Variants in TUSC3 observed in about 807,000 individuals in gnomAD.
TUSC3 encodes tumor suppressor candidate 3, also known as dolichyl-diphosphooligosaccharide--protein glycosyltransferase subunit TUSC3.
In TUSC3, 45 loss-of-function variants were observed where a neutral mutation model predicts 44.8. The ratio of observed to expected loss-of-function variants is 1.00; its 90% CI spans 0.79 to 1.29. The LOEUF (loss-of-function observed/expected upper bound fraction) is 1.29. Among genes scored for constraint, TUSC3 ranks in the 50% most tolerant of loss-of-function variants. The pLI is 0.00. For synonymous variants in TUSC3, 212 were observed against 152.9 expected, an observed-to-expected ratio of 1.39 and a Z score of -2.85; for missense variants, 519 against 437.9, an observed-to-expected ratio of 1.19 and a Z score of -1.65.
chr8:15,570,981 G>A (rs142654964), intron 1 of TUSC3, among the ~76,000 whole-genome samples: 2,489 of 15,944 alleles, frequency 0.16, 117 homozygotes, highest in African/African-American at 0.2. Flanking sequence ...TTTTGAGATT[G>A]AGTCTTGCTG....
chr8:15,491,617 T>G (rs1174259971), intron 2 of TUSC3, among the ~76,000 whole-genome samples: 2 of 152,164 alleles, frequency 1.3e-5, no homozygotes, highest in African/African-American at 4.8e-5. Flanking sequence ...GCTAATTGTT[T>G]TGGGAAGTGA....
At chr8:15,532,272 C>T (rs1054357935) in intron 2 of TUSC3, among the ~76,000 whole-genome samples, 2 of 152,004 alleles carry the variant, frequency 1.3e-5, no homozygotes, top group Non-Finnish European at 2.9e-5. Flanking sequence ...TCTTGATATA[C>T]ATGAACACTG....
At chr8:15,761,273 G>A (rs1361561690) in intron 10 of TUSC3, among the ~76,000 whole-genome samples, 1 of 152,168 alleles carries the variant, frequency 6.6e-6, no homozygotes, top group Non-Finnish European at 1.5e-5. Flanking sequence ...ATGAGGGAGT[G>A]CTGAGGAGAG....
chr8:15,573,168 T>TTTCTCTC (rs1802945786), intron 1 of TUSC3, among the ~76,000 whole-genome samples: 11 of 85,544 alleles, frequency 1.3e-4, no homozygotes, highest in African/African-American at 5.0e-4. Context: ...TTCTCTCTCT[T>TTTCTCTC]TCTCTCTCTC....
chr8:15,445,060 A>G (rs1414296533), intron 1 of TUSC3, among the ~76,000 whole-genome samples: 2 of 152,194 alleles, frequency 1.3e-5, no homozygotes, highest in Non-Finnish European at 2.9e-5. Context: ...TAATGGAGAA[A>G]ATTCTTATTA....
chr8:15,805,305 A>G, the TUSC3 span, among the ~76,000 whole-genome samples: 1 of 152,034 alleles, frequency 6.6e-6, no homozygotes, highest in African/African-American at 2.4e-5. Context: ...CTCCTTTCCT[A>G]TTTGGGTGCC....
chr8:15,477,531 G>T (rs1800595291), intron 1 of TUSC3, among the ~76,000 whole-genome samples: 1 of 151,970 alleles, frequency 6.6e-6, no homozygotes, highest in African/African-American at 2.4e-5. Context: ...GACCATCCTG[G>T]CTAACATGGT....
At chr8:15,443,152 C>A (rs562427761) in intron 1 of TUSC3, among the ~76,000 whole-genome samples, 1 of 146,432 alleles carries the variant, frequency 6.8e-6, no homozygotes, top group East Asian at 2.0e-4. Context: ...TTTCTTTTTT[C>A]TTCCTTCCTT....
chr8:15,821,289 C>G, the TUSC3 span, among the ~76,000 whole-genome samples: 1 of 148,304 alleles, frequency 6.7e-6, no homozygotes, highest in African/African-American at 2.5e-5. Flanking sequence ...TAATATGTCT[C>G]TTTTTGCTAG....
intron 1 of TUSC3, among the ~76,000 whole-genome samples, chr8:15,562,308 G>T (rs1358464363): frequency 6.6e-6 from 1 of 152,068 alleles, no homozygotes; most frequent in Non-Finnish European, 1.5e-5. Context: ...TTATTTCTTA[G>T]TGTGGCATAG....
chr8:15,676,658 C>T (rs1335938821), intron 6 of TUSC3, among the ~76,000 whole-genome samples: 3 of 152,082 alleles, frequency 2.0e-5, no homozygotes, highest in Non-Finnish European at 4.4e-5. Flanking sequence ...GGGCAACTAC[C>T]GACTACTGGC....
chr8:15,734,247 G>A (rs1439479807), intron 7 of TUSC3, among the ~76,000 whole-genome samples: 3 of 152,098 alleles, frequency 2.0e-5, no homozygotes, highest in African/African-American at 7.2e-5. Flanking sequence ...AATTTAGTAA[G>A]TCAGATTATC....
At chr8:15,818,859 G>C in the TUSC3 span, among the ~76,000 whole-genome samples, 4 of 152,108 alleles carry the variant, frequency 2.6e-5, no homozygotes, top group Admixed American at 2.6e-4. Context: ...TAATTTAATG[G>C]TGAAGGCTGT....
the TUSC3 span, among the ~76,000 whole-genome samples, chr8:15,820,331 G>C: frequency 2.1e-5 from 1 of 47,010 alleles, no homozygotes; most frequent in African/African-American, 7.8e-5. Flanking sequence ...TTTTTTTTTT[G>C]AGACAGATTC....
At chr8:15,444,052 G>A (rs1440375074) in intron 1 of TUSC3, among the ~76,000 whole-genome samples, 1 of 152,166 alleles carries the variant, frequency 6.6e-6, no homozygotes, top group Non-Finnish European at 1.5e-5. Context: ...GTCTCCCACA[G>A]AACCAGTTCT....
At chr8:15,562,031 C>G (rs1014907421) in intron 1 of TUSC3, among the ~76,000 whole-genome samples, 1 of 152,060 alleles carries the variant, frequency 6.6e-6, no homozygotes, top group Admixed American at 6.6e-5. Flanking sequence ...CTCCTCTCTT[C>G]AAAAATCAAT....
At chr8:15,495,837 T>C (rs897388492) in intron 2 of TUSC3, among the ~76,000 whole-genome samples, 3 of 152,190 alleles carry the variant, frequency 2.0e-5, no homozygotes, top group African/African-American at 4.8e-5. Context: ...CATCCACTTT[T>C]AGTTTCTTTT....
the TUSC3 span, among the ~76,000 whole-genome samples, chr8:15,781,681 A>G: frequency 6.6e-6 from 1 of 152,216 alleles, no homozygotes; most frequent in Non-Finnish European, 1.5e-5. Flanking sequence ...AGAAAAGCCC[A>G]ACACAAGATA....
chr8:15,825,920 A>G, the TUSC3 span, among the ~76,000 whole-genome samples: 440 of 149,964 alleles, frequency 2.9e-3, 2 homozygotes, highest in African/African-American at 0.01. Context: ...TCTTCAAACA[A>G]GAAGCAATAC....
Sources: allele counts gnomAD v4.1 joint callset (sites outside exome capture counted in the v4.1 genomes callset), GRCh38; gene constraint gnomAD v4.1.1; transcripts MANE v1.5; gene names NCBI Gene and HGNC (gene_info 2026-07-23, HGNC 2026-07-21).